The following SNTG2 variants were observed in gnomAD, a reference collection of about 807,000 sequenced individuals.
SNTG2 encodes the protein gamma-2-syntrophin.
SNTG2 carries 74 observed loss-of-function variants against 70.9 expected under a neutral mutation model. The observed-to-expected ratio is 1.04, with a 90% CI of 0.86 to 1.27. The LOEUF (loss-of-function observed/expected upper bound fraction) is 1.27. Ranked by LOEUF, SNTG2 falls within the 50% of genes most tolerant of loss-of-function variation. The pLI, the probability that SNTG2 is intolerant of heterozygous loss-of-function variation, is 0.00. For missense variants in SNTG2, 717 were observed against 690.7 expected, an observed-to-expected ratio of 1.04 and a Z score of -0.43; for synonymous variants, 278 against 273.8, an observed-to-expected ratio of 1.02 and a Z score of -0.15.
At position 1,008,405 on chromosome 2, in the gene SNTG2, A is replaced by G. The variant is rs533522504; in HGVS notation, c.72+57337A>G. 2.0e-5 allele frequency among the ~76,000 whole-genome samples: 3 copies of G among 152,292 alleles called. No homozygotes were observed. In the East Asian group the frequency reaches 5.8e-4, roughly 29 times the overall value. The stretch of plus-strand genomic sequence containing the variant: ...TTCACAAAATTATAGTCATTTCTAT[A>G]ATAGCTTTATCACTTTTTTTGAGAT... On this transcript the variant is annotated intron_variant, in intron 1 of 16. Coordinates refer to ENST00000308624, the MANE Select transcript of SNTG2 (RefSeq NM_018968.4).
Position 1,167,469 on chromosome 2 carries a change from C to A in SNTG2, c.499+1834C>A, listed in dbSNP as rs1572626969. Among the ~76,000 whole-genome samples the A allele has an allele frequency of 2.1e-5, 3 of 143,452 alleles. No homozygotes were observed. In the South Asian group the frequency reaches 6.9e-4, roughly 33 times the overall value. 94.1% of individuals were successfully genotyped at this position (143,452 alleles called of 152,430 possible). A position where few individuals can be genotyped will look rare whatever the true frequency, so the allele number is the denominator to read the frequency against. ...AGAACTGAAGCCTACAAGCCGCCCA[C>A]AGACGGCAGAACTGAAGCCTAGAAG... On this transcript the variant is annotated intron_variant, in intron 7 of 16. Transcript: ENST00000308624.
At chr2:1,087,688 T>G (rs1022876206) in intron 2 of SNTG2, among the ~76,000 whole-genome samples, 7 of 152,234 alleles carry the variant, frequency 4.6e-5, no homozygotes, top group African/African-American at 1.7e-4. Flanking sequence ...CGTATGGTAA[T>G]GTACTAATCG....
chr2:1,202,247 CTG>C (rs1486084547), intron 8 of SNTG2, among the ~76,000 whole-genome samples: 1 of 151,968 alleles, frequency 6.6e-6, no homozygotes, highest in African/African-American at 2.4e-5. Context: ...ACACAGTAAA[CTG>C]GACTTGATAA....
chr2:1,095,704 A>C (rs956343890), intron 2 of SNTG2, among the ~76,000 whole-genome samples: 1 of 152,140 alleles, frequency 6.6e-6, no homozygotes, highest in South Asian at 2.1e-4. Flanking sequence ...GCAGAAACTA[A>C]CTTGTTTCTT....
At chr2:1,034,561 T>C (rs1199745385) in intron 1 of SNTG2, among the ~76,000 whole-genome samples, 1 of 152,244 alleles carries the variant, frequency 6.6e-6, no homozygotes, top group Non-Finnish European at 1.5e-5. Context: ...TTGAACTAAT[T>C]TACGCTTCCA....
At chr2:1,132,649 G>A (rs1001190642) in intron 4 of SNTG2, among the ~76,000 whole-genome samples, 1 of 152,156 alleles carries the variant, frequency 6.6e-6, no homozygotes, top group African/African-American at 2.4e-5. Flanking sequence ...GCGGAGTTGC[G>A]GGGTTGGCTG....
intron 1 of SNTG2, among the ~76,000 whole-genome samples, chr2:981,848 AAC>A (rs1377909265): frequency 6.6e-6 from 1 of 152,194 alleles, no homozygotes; most frequent in African/African-American, 2.4e-5. Context: ...CATGCACGTG[AAC>A]ACACACGTCC....
chr2:999,463 A>G (rs1661795870), intron 1 of SNTG2, among the ~76,000 whole-genome samples: 1 of 152,062 alleles, frequency 6.6e-6, no homozygotes, highest in African/African-American at 2.4e-5. Context: ...TATTCCATGC[A>G]AAGGACACCA....
chr2:1,155,526 A>C (rs981242985), intron 6 of SNTG2, among the ~76,000 whole-genome samples: 2 of 152,192 alleles, frequency 1.3e-5, no homozygotes, highest in Admixed American at 1.3e-4. Flanking sequence ...TACAGAAAGG[A>C]GAGGCAGCAA....
intron 1 of SNTG2, among the ~76,000 whole-genome samples, chr2:964,970 C>G (rs1420867916): frequency 7.2e-6 from 1 of 139,084 alleles, no homozygotes; most frequent in Non-Finnish European, 1.5e-5. Context: ...TGCTCCTTGG[C>G]CCCTCAGTCC....
intron 1 of SNTG2, among the ~76,000 whole-genome samples, chr2:1,062,067 AGAG>A (rs1425415209): frequency 2.6e-5 from 4 of 152,210 alleles, no homozygotes; most frequent in African/African-American, 9.7e-5. Flanking sequence ...TGAGTGTAAT[AGAG>A]GAGAGAAACA....
chr2:1,185,419 C>T (rs1456612644), intron 8 of SNTG2, among the ~76,000 whole-genome samples: 2 of 152,294 alleles, frequency 1.3e-5, no homozygotes, highest in African/African-American at 2.4e-5. Context: ...TCCAACCGCA[C>T]ATTTCCCCTC....
chr2:1,131,938 C>T (rs1206002170), intron 4 of SNTG2, among the ~76,000 whole-genome samples: 1 of 152,194 alleles, frequency 6.6e-6, no homozygotes, highest in Non-Finnish European at 1.5e-5. Context: ...GCGTGAGCCA[C>T]CGCACCTGGC....
chr2:1,287,956 G>GGGTGGAGCACCTGA (rs1361692900), intron 14 of SNTG2, among the ~76,000 whole-genome samples: 1 of 34,036 alleles, frequency 2.9e-5, no homozygotes, highest in Admixed American at 3.3e-4. Context: ...CCTGGACCCG[G>GGGTGGAGCACCTGA]GGTGGAGCAC....
chr2:1,307,474 G>A (rs972902320), intron 14 of SNTG2, among the ~76,000 whole-genome samples: 7 of 151,558 alleles, frequency 4.6e-5, no homozygotes, highest in Non-Finnish European at 1.0e-4. Context: ...AGAGAGAGAA[G>A]AGAGAGAAGG....
At chr2:989,742 T>C (rs1428499681) in intron 1 of SNTG2, among the ~76,000 whole-genome samples, 3 of 152,228 alleles carry the variant, frequency 2.0e-5, no homozygotes, top group African/African-American at 7.2e-5. Flanking sequence ...TTTAGAAGGT[T>C]TTGAAATAAC....
At chr2:1,206,968 A>C (rs1673671108) in intron 8 of SNTG2, among the ~76,000 whole-genome samples, 1 of 152,240 alleles carries the variant, frequency 6.6e-6, no homozygotes, top group Non-Finnish European at 1.5e-5. Context: ...AGGGGTACAG[A>C]GTATGTGGCT....
intron 4 of SNTG2, among the ~76,000 whole-genome samples, chr2:1,135,779 A>G (rs116757647): frequency 1.1e-3 from 169 of 152,332 alleles, no homozygotes; most frequent in African/African-American, 2.8e-3. Flanking sequence ...TTCAATGACA[A>G]TGACTACTTT....
chr2:1,020,626 C>T (rs1660114684), intron 1 of SNTG2, among the ~76,000 whole-genome samples: 2 of 152,044 alleles, frequency 1.3e-5, no homozygotes, highest in African/African-American at 4.8e-5. Flanking sequence ...ATATACTCCT[C>T]ATCCATATTC....
Sources: allele counts gnomAD v4.1 joint callset (sites outside exome capture counted in the v4.1 genomes callset), GRCh38; gene constraint gnomAD v4.1.1; transcripts MANE v1.5; gene names NCBI Gene and HGNC (gene_info 2026-07-23, HGNC 2026-07-21).